PAX5: variants seen among roughly 807,000 people sequenced by gnomAD.
PAX5 encodes paired box protein Pax-5.
A neutral mutation model predicts 43.7 loss-of-function variants in PAX5; 9 were observed. That is an observed-to-expected ratio of 0.21 (90% confidence interval 0.12 to 0.36). The LOEUF is 0.36. PAX5 is among the 10% of genes least tolerant of loss of function. PAX5 has a pLI of 1.00. For synonymous variants in PAX5, 228 were observed against 214.3 expected (o/e 1.06, Z -0.56); for missense variants, 383 against 532.7 (o/e 0.72, Z 2.77).
At chr9:36,870,871 T>C (rs1467236225) in intron 8 of PAX5, among the ~76,000 whole-genome samples, 2 of 152,226 alleles carry the variant, frequency 1.3e-5, no homozygotes, top group African/African-American at 4.8e-5. Flanking sequence ...GCCCCTCAGA[T>C]TGCTGCTGCC....
intron 7 of PAX5, among the ~76,000 whole-genome samples, chr9:36,901,571 C>G (rs909379999): frequency 2.6e-5 from 4 of 152,194 alleles, no homozygotes; most frequent in African/African-American, 9.6e-5. Context: ...GAGTGTTAGC[C>G]TCACTTCCAG....
chr9:36,956,533 A>G (rs765645882), intron 6 of PAX5, among the ~76,000 whole-genome samples: 11 of 152,242 alleles, frequency 7.2e-5, no homozygotes, highest in Non-Finnish European at 1.5e-4. Context: ...AGCCATCACT[A>G]AAGCCCAGAA....
chr9:36,864,902 G>A (rs890684782), intron 8 of PAX5, among the ~76,000 whole-genome samples: 11 of 152,214 alleles, frequency 7.2e-5, no homozygotes, highest in South Asian at 2.1e-4. Context: ...CTCGCCCACC[G>A]AATTAGGACC....
chr9:36,937,335 C>G (rs949085016), intron 6 of PAX5, among the ~76,000 whole-genome samples: 49 of 152,300 alleles, frequency 3.2e-4, no homozygotes, highest in African/African-American at 1.1e-3. Context: ...GTTCACCCCC[C>G]AGCAGTGCGA....
At chr9:36,867,053 G>A (rs925522880) in intron 8 of PAX5, among the ~76,000 whole-genome samples, 2 of 58,304 alleles carry the variant, frequency 3.4e-5, no homozygotes, top group Non-Finnish European at 8.1e-5. Flanking sequence ...TGTCCTGGAT[G>A]GGGTGGTGGG....
chr9:36,997,354 G>C (rs551144907), intron 5 of PAX5, among the ~76,000 whole-genome samples: 3 of 152,176 alleles, frequency 2.0e-5, no homozygotes, highest in African/African-American at 7.2e-5. Context: ...AAAGGGATTC[G>C]CACTCCGCTG....
At chr9:36,929,277 G>GGAAGGAACGAAC (rs1554666319) in intron 6 of PAX5, among the ~76,000 whole-genome samples, 3 of 149,998 alleles carry the variant, frequency 2.0e-5, no homozygotes, top group African/African-American at 7.4e-5. Context: ...AAGGAAGGAA[G>GGAAGGAACGAAC]GAAGGAAGGA....
chr9:37,034,107 T>C lies in PAX5; in HGVS notation c.-76A>G, dbSNP rs1235123983. 4.0e-5 allele frequency: 32 copies of C among 792,972 alleles called. No homozygotes were observed. Among genetic ancestry groups the C allele is most frequent in the Admixed American group, 2.3e-4 (8 of 35,020 alleles). 49.1% of individuals were successfully genotyped at this position (792,972 alleles called of 1,614,324 possible). A position where few individuals can be genotyped will look rare whatever the true frequency, so the allele number is the denominator to read the frequency against. On this transcript the variant is annotated 5_prime_UTR_variant, in exon 1 of 10. Coordinates refer to ENST00000358127, the MANE Select transcript of PAX5 (RefSeq NM_016734.3). ...TTGTGCCTTTTTTTTTCTTTTTTTTTTTTTTTTTTTTTTTTTTTTGGTGCC... is the reference window on the plus strand; with the variant it reads ...TTGTGCCTTTTTTTTTCTTTTTTTTCTTTTTTTTTTTTTTTTTTTGGTGCC...
chr9:37,005,541 T>G (rs1165137690), intron 4 of PAX5, among the ~76,000 whole-genome samples: 1 of 152,192 alleles, frequency 6.6e-6, no homozygotes, highest in Non-Finnish European at 1.5e-5. Context: ...AACTTTTACA[T>G]TTTACTGGGT....
At chr9:36,940,309 G>C (rs1831941834) in intron 6 of PAX5, among the ~76,000 whole-genome samples, 1 of 152,170 alleles carries the variant, frequency 6.6e-6, no homozygotes, top group African/African-American at 2.4e-5. Flanking sequence ...GACATTCAAT[G>C]TCATTTACAT....
At chr9:36,950,478 C>A (rs1832902872) in intron 6 of PAX5, among the ~76,000 whole-genome samples, 1 of 152,196 alleles carries the variant, frequency 6.6e-6, no homozygotes, top group African/African-American at 2.4e-5. Context: ...CTTGAAACCC[C>A]TCCTCAGTCT....
intron 7 of PAX5, among the ~76,000 whole-genome samples, chr9:36,921,001 T>C (rs549658790): frequency 6.6e-6 from 1 of 152,018 alleles, no homozygotes; most frequent in African/African-American, 2.4e-5. Context: ...TTAGTAGAGA[T>C]GGGGTTTCAC....
In PAX5 at chr9:36,849,057, C is replaced by T. The variant is rs946480943; in HGVS notation, c.1013-2128G>A. ...AGCCCCTCTCCCACCCCTCCTCTTC[C>T]GATCCCAGTCTCCCGTGTGGTTCTG... On this transcript the variant is annotated intron_variant, in intron 8 of 9. Coordinates refer to ENST00000358127, the MANE Select transcript of PAX5 (RefSeq NM_016734.3). Among the ~76,000 whole-genome samples, 11 of 152,232 alleles carry T rather than the reference C, an allele frequency of 7.2e-5. 1 individual carries two copies. The highest frequency in any genetic ancestry group is 2.1e-4 in the South Asian group (1 of 4,836).
chr9:36,867,951 T>C (rs75551649), intron 8 of PAX5, among the ~76,000 whole-genome samples: 9,201 of 152,280 alleles, frequency 0.06, 521 homozygotes, highest in African/African-American at 0.15. Flanking sequence ...CCTCCCAGCC[T>C]GGTTGGGCTC....
At chr9:36,848,620 G>A (rs902550609) in intron 8 of PAX5, among the ~76,000 whole-genome samples, 2 of 152,180 alleles carry the variant, frequency 1.3e-5, no homozygotes, top group Non-Finnish European at 2.9e-5. Context: ...AACAGGGACA[G>A]CGCCCTCCCC....
intron 6 of PAX5, chr9:36,930,839 G>A: frequency 7.7e-7 from 1 of 1,305,442 alleles, no homozygotes; most frequent in Non-Finnish European, 1.0e-6. Flanking sequence ...GGAGGCACGT[G>A]CCCCAGGAGA....
At chr9:36,949,460 G>A (rs923825759) in intron 6 of PAX5, among the ~76,000 whole-genome samples, 7 of 152,194 alleles carry the variant, frequency 4.6e-5, no homozygotes, top group Admixed American at 2.0e-4. Context: ...TGTACACAAA[G>A]GAAGAAAAGT....
At chr9:37,004,183 T>C (rs1838185605) in intron 4 of PAX5, among the ~76,000 whole-genome samples, 1 of 152,222 alleles carries the variant, frequency 6.6e-6, no homozygotes, top group Non-Finnish European at 1.5e-5. Flanking sequence ...TGACTGAGGC[T>C]AGGTCTCAAA....
intron 3 of PAX5, among the ~76,000 whole-genome samples, chr9:37,011,128 CAAAAAAA>C (rs1225031293): frequency 2.0e-5 from 2 of 100,980 alleles, no homozygotes; most frequent in East Asian, 2.8e-4. Context: ...CTCAAAAAAA[CAAAAAAA>C]AAAAAAAAAA....
Sources: allele counts gnomAD v4.1 joint callset (sites outside exome capture counted in the v4.1 genomes callset), GRCh38; gene constraint gnomAD v4.1.1; transcripts MANE v1.5; gene names NCBI Gene and HGNC (gene_info 2026-07-23, HGNC 2026-07-21).